The following IL1RAPL1 variants were observed in gnomAD, a reference collection of about 807,000 sequenced individuals.
IL1RAPL1 encodes the protein interleukin-1 receptor accessory protein-like 1.
A neutral mutation model predicts 48.4 loss-of-function variants in IL1RAPL1; 3 were observed. The observed-to-expected ratio is 0.06, with a 90% CI of 0.03 to 0.16. IL1RAPL1 has a LOEUF of 0.16. Among genes scored for constraint, IL1RAPL1 ranks in the 10% least tolerant of loss-of-function variants. IL1RAPL1 has a pLI of 1.00. For synonymous variants in IL1RAPL1, 185 were observed against 187.7 expected, an observed-to-expected ratio of 0.99 and a Z score of 0.12; for missense variants, 349 against 530.6, an observed-to-expected ratio of 0.66 and a Z score of 3.36.
At chrX:29,536,458 GTTTGATGC>G (rs199809949) in intron 5 of IL1RAPL1, among the ~76,000 whole-genome samples, 2,005 of 111,402 alleles carry the variant, frequency 0.018, 60 homozygotes, top group African/African-American at 0.063. Context: ...AAATGTGAAG[GTTTGATGC>G]TTATCTTTGC....
At chrX:29,030,603 A>T (rs1343162927) in intron 2 of IL1RAPL1, among the ~76,000 whole-genome samples, 3 of 111,841 alleles carry the variant, frequency 2.7e-5, no homozygotes, top group African/African-American at 9.7e-5. Context: ...AAAGTAAAAT[A>T]GGACATTGAC....
At chrX:29,649,811 A>G (rs1925456539) in intron 5 of IL1RAPL1, among the ~76,000 whole-genome samples, 1 of 111,403 alleles carries the variant, frequency 9.0e-6, no homozygotes, top group Admixed American at 9.5e-5. Context: ...AAAGGAAGAT[A>G]CTAAACTTTT....
At chrX:28,791,048 A>C (rs1936533732) in intron 2 of IL1RAPL1, among the ~76,000 whole-genome samples, 1 of 112,013 alleles carries the variant, frequency 8.9e-6, no homozygotes, top group Non-Finnish European at 1.9e-5. Flanking sequence ...AATATTGATT[A>C]ATTCTTTAAA....
At chrX:28,915,344 T>C (rs931925112) in intron 2 of IL1RAPL1, among the ~76,000 whole-genome samples, 3 of 111,449 alleles carry the variant, frequency 2.7e-5, no homozygotes. Flanking sequence ...TTTTACCATG[T>C]TTTAAGAAGA....
At position 29,488,791 on chromosome X, in the gene IL1RAPL1, C is replaced by T. The variant is rs1534964; in HGVS notation, c.703+89483C>T. Reference sequence around the variant, plus strand: ...ATTATTTCACAATGCATACTGTTAACAAAAGATCATGAAATTTGCAGGGGC... The same window carrying T: ...ATTATTTCACAATGCATACTGTTAATAAAAGATCATGAAATTTGCAGGGGC... On this transcript the variant is annotated intron_variant, in intron 5 of 10. Transcript: ENST00000378993. 7.9e-3 allele frequency among the ~76,000 whole-genome samples: 885 copies of T among 112,017 alleles called. 11 individuals are homozygous for T. Among genetic ancestry groups the T allele is most frequent in the African/African-American group, 0.027 (840 of 30,796 alleles).
chrX:29,199,096 A>G (rs1420936337), intron 2 of IL1RAPL1, among the ~76,000 whole-genome samples: 3 of 112,073 alleles, frequency 2.7e-5, no homozygotes, highest in African/African-American at 9.7e-5. Context: ...ATAATTGAAC[A>G]ATTAAATAAA....
rs750990934 is a variant in IL1RAPL1 at position 28,817,425 on chromosome X, T to C, written c.82+28000T>C. On this transcript the variant is annotated intron_variant, in intron 2 of 10. Coordinates refer to ENST00000378993, the MANE Select transcript of IL1RAPL1 (RefSeq NM_014271.4). ...AGACCTTTCACAGTGATAGATAGTA[T>C]ACAGAAGCTACCATGCTGAGATAGC... is the stretch of plus-strand genomic sequence containing the variant. Among the ~76,000 whole-genome samples, 8 of 110,754 alleles carry C rather than the reference T, an allele frequency of 7.2e-5. No homozygotes were observed. The South Asian group carries it at 1.1e-3, about 16-fold the overall frequency.
chrX:29,711,043 G>GGTGTGTGTGT (rs768108356), intron 6 of IL1RAPL1, among the ~76,000 whole-genome samples: 7,194 of 69,096 alleles, frequency 0.1, 299 homozygotes, highest in Middle Eastern at 0.37. Flanking sequence ...CCATGAGCAT[G>GGTGTGTGTGT]GTGTGTGTGT....
chrX:28,590,195 CA>C (rs1168215396), intron 1 of IL1RAPL1, among the ~76,000 whole-genome samples: 1 of 111,251 alleles, frequency 9.0e-6, no homozygotes, highest in African/African-American at 3.3e-5. Flanking sequence ...CACATATTCA[CA>C]AAAAATGAAA....
chrX:28,687,440 G>C (rs1935123215), intron 1 of IL1RAPL1, among the ~76,000 whole-genome samples: 1 of 111,889 alleles, frequency 8.9e-6, no homozygotes, highest in African/African-American at 3.3e-5. Context: ...GTGAATTTTA[G>C]CATGGACCAA....
In IL1RAPL1 at chrX:29,657,830, T is replaced by G. The variant is rs1044628672; in HGVS notation, c.704-10600T>G. ...TAGAAGATAATTAGTGACTGTTTTT[T>G]TTTTTTTTTTTTGGTTTTTTGCCTG... On this transcript the variant is annotated intron_variant, in intron 5 of 10. Transcript: ENST00000378993. Among the ~76,000 whole-genome samples the G allele has an allele frequency of 2.3e-3, 248 of 109,240 alleles. 2 individuals carry two copies. The highest frequency in any genetic ancestry group is 8.0e-3 in the African/African-American group (241 of 30,098). 94.9% of individuals were successfully genotyped at this position (109,240 alleles called of 115,157 possible).
intron 3 of IL1RAPL1, among the ~76,000 whole-genome samples, chrX:29,343,300 A>C (rs996535034): frequency 9.0e-6 from 1 of 111,570 alleles, no homozygotes; most frequent in Non-Finnish European, 1.9e-5. Flanking sequence ...TTTTGTTCCC[A>C]GTGAGTCCCA....
rs144137571 is a variant in IL1RAPL1 at position 28,826,731 on chromosome X, G to T, written c.82+37306G>T. On this transcript the variant is annotated intron_variant, in intron 2 of 10. Coordinates refer to ENST00000378993, the MANE Select transcript of IL1RAPL1 (RefSeq NM_014271.4). ...GATCATGAAGCCAACTCTTTAGGGG[G>T]GTACATTAGCTGGTTCTAAAACCTT... Among the ~76,000 whole-genome samples, 833 of 110,605 alleles carry T rather than the reference G, an allele frequency of 7.5e-3. 3 individuals carry two copies. The highest frequency in any genetic ancestry group is 0.027 in the African/African-American group (810 of 30,527).
chrX:28,680,611 G>T (rs541115013), intron 1 of IL1RAPL1, among the ~76,000 whole-genome samples: 1 of 111,392 alleles, frequency 9.0e-6, no homozygotes, highest in South Asian at 3.7e-4. Flanking sequence ...TCTTTATTAT[G>T]TTGAAGTCAG....
rs774594716 is a variant in IL1RAPL1 at position 29,574,672 on chromosome X, C to A, written c.704-93758C>A. Among the ~76,000 whole-genome samples the A allele has an allele frequency of 2.7e-5, 3 of 111,881 alleles. No homozygotes were observed. The South Asian group carries it at 1.1e-3, about 42-fold the overall frequency. Reference sequence around the variant, plus strand: ...AGTACTCCCCAGAAAACAGGTTTTTCTTTTCTACCACATGATCAGGCTGCA... The same window carrying A: ...AGTACTCCCCAGAAAACAGGTTTTTATTTTCTACCACATGATCAGGCTGCA... On this transcript the variant is annotated intron_variant, in intron 5 of 10. Coordinates refer to ENST00000378993, the MANE Select transcript of IL1RAPL1 (RefSeq NM_014271.4).
chrX:28,806,742 C>T (rs190434292), intron 2 of IL1RAPL1, among the ~76,000 whole-genome samples: 1 of 111,578 alleles, frequency 9.0e-6, no homozygotes, highest in African/African-American at 3.3e-5. Flanking sequence ...GGCATGTTTT[C>T]GCTTTCTTTG....
chrX:29,201,697 T>G (rs886731514), intron 2 of IL1RAPL1, among the ~76,000 whole-genome samples: 3 of 110,959 alleles, frequency 2.7e-5, no homozygotes, highest in African/African-American at 9.8e-5. Flanking sequence ...TTATTGATTT[T>G]TTTTTTTTTT....
intron 5 of IL1RAPL1, among the ~76,000 whole-genome samples, chrX:29,497,733 TATA>T (rs1478109173): frequency 3.6e-5 from 4 of 110,690 alleles, no homozygotes; most frequent in East Asian, 2.8e-4. Context: ...CTGGAGAAAA[TATA>T]ATAATTTAAG....
chrX:29,325,548 G>A (rs1393383143), intron 3 of IL1RAPL1, among the ~76,000 whole-genome samples: 1 of 111,249 alleles, frequency 9.0e-6, no homozygotes, highest in Non-Finnish European at 1.9e-5. Flanking sequence ...TGTTTTAATT[G>A]GTTGATATAT....
Sources: allele counts gnomAD v4.1 joint callset (sites outside exome capture counted in the v4.1 genomes callset), GRCh38; gene constraint gnomAD v4.1.1; transcripts MANE v1.5; gene names NCBI Gene and HGNC (gene_info 2026-07-23, HGNC 2026-07-21).